The following TOM1L1 variants were observed in gnomAD, a reference collection of about 807,000 sequenced individuals.
The protein encoded by TOM1L1 is target of myb1 like 1 membrane trafficking protein.
TOM1L1 carries 64 observed loss-of-function variants against 63.4 expected under a neutral mutation model. The ratio of observed to expected loss-of-function variants is 1.01; its 90% CI spans 0.83 to 1.24. The LOEUF (loss-of-function observed/expected upper bound fraction) is 1.24. TOM1L1 is among the 50% of genes most tolerant of loss of function. The pLI is 0.00. For missense variants in TOM1L1, 536 were observed against 567.0 expected (o/e 0.95, Z 0.55); for synonymous variants, 166 against 194.4 (o/e 0.85, Z 1.22).
intron 13 of TOM1L1, among the ~76,000 whole-genome samples, 167 bp downstream of exon 13, chr17:54,949,790 G>A (rs2049182580): frequency 6.6e-6 from 1 of 152,170 alleles, no homozygotes; most frequent in African/African-American, 2.4e-5. Flanking sequence ...TGACTTATAA[G>A]AGACTGTAAA....
rs1394961544 is a variant in TOM1L1 at position 54,937,245 on chromosome 17, CT to C, written c.1033+23del. ...GGCTTAAGTAAATAAACACTCAGGT[CT>C]TTTCAGACCAGCAGAAGAGCTTGAT... On this transcript the variant is annotated intron_variant, in intron 10 of 15. Transcript: ENST00000575882. The C allele has an allele frequency of 3.9e-6, 6 of 1,541,204 alleles. No individual in the cohort carries two copies. Among genetic ancestry groups the C allele is most frequent in the Admixed American group, 1.7e-5 (1 of 59,884 alleles).
At position 54,949,497 on chromosome 17, in the gene TOM1L1, CAT is replaced by C; in HGVS notation, c.1183-20_1183-19del. The C allele has an allele frequency of 6.4e-7, 1 of 1,567,980 alleles. No homozygotes were observed. Among genetic ancestry groups the C allele is most frequent in the Non-Finnish European group, 8.8e-7 (1 of 1,138,260 alleles). On this transcript the variant is annotated intron_variant, in intron 12 of 15. Transcript: ENST00000575882. ...GCTTAATGTAGAACGTTTATATGAA[CAT>C]GTGTTATGCTTTCTTCAGTTTCTGG... is the stretch of plus-strand genomic sequence containing the variant.
intron 12 of TOM1L1, 149 bp from the exon 13 acceptor site, chr17:54,949,369 T>TA: frequency 1.7e-6 from 1 of 590,074 alleles, no homozygotes; most frequent in Admixed American, 3.0e-5. Context: ...GATTATTACC[T>TA]AAAAAAACTA....
Position 54,958,748 on chromosome 17 carries a change from A to AAAAAAAAGG in TOM1L1, c.1371-1818_1371-1817insAAAAAAAGG, listed in dbSNP as rs372776781. Among the ~76,000 whole-genome samples, 23 of 118,952 alleles carry AAAAAAAAGG rather than the reference A, an allele frequency of 1.9e-4. 2 individuals are homozygous for AAAAAAAAGG. Among genetic ancestry groups the AAAAAAAAGG allele is most frequent in the Non-Finnish European group, 1.7e-4 (10 of 57,760 alleles). The allele number at this position is 118,952 out of a possible 152,430, so 78.0% of individuals were successfully genotyped here. A position where few individuals can be genotyped will look rare whatever the true frequency, so the allele number is the denominator to read the frequency against. On this transcript the variant is annotated intron_variant, in intron 14 of 15. Transcript: ENST00000575882. ...TCCATCTCAAAAAAAAAAAAAAAAAAGGGGTTGTTGGTAGCTAGAGGATAC... is the reference window on the plus strand; with the variant it reads ...TCCATCTCAAAAAAAAAAAAAAAAAAAAAAAAAGGGGGGTTGTTGGTAGCTAGAGGATAC...
intron 7 of TOM1L1, among the ~76,000 whole-genome samples, chr17:54,925,641 C>T (rs994161670): frequency 1.3e-5 from 2 of 152,182 alleles, no homozygotes; most frequent in African/African-American, 4.8e-5. Context: ...CGATGGAGCA[C>T]GCCTGTAATC....
intron 14 of TOM1L1, among the ~76,000 whole-genome samples, chr17:54,955,464 A>G (rs2049453559): frequency 6.6e-6 from 1 of 152,184 alleles, no homozygotes; most frequent in Non-Finnish European, 1.5e-5. Context: ...CTCCTCATCA[A>G]ACTAACAGCA....
At chr17:54,945,322 C>T (rs1295684753) in intron 11 of TOM1L1, among the ~76,000 whole-genome samples, 2 of 152,224 alleles carry the variant, frequency 1.3e-5, no homozygotes, top group South Asian at 2.1e-4. Context: ...ATAACATTCA[C>T]ATATTCTGAG....
intron 11 of TOM1L1, among the ~76,000 whole-genome samples, chr17:54,944,877 A>G (rs2049092397): frequency 6.6e-6 from 1 of 151,854 alleles, no homozygotes; most frequent in African/African-American, 2.4e-5. Context: ...TGGGGTATGG[A>G]TTTCTTTTGT....
chr17:54,930,717 C>T (rs2143859018), intron 8 of TOM1L1, among the ~76,000 whole-genome samples: 1 of 152,172 alleles, frequency 6.6e-6, no homozygotes. Context: ...TCGCGCATGC[C>T]TGTAGACCCA....
intron 3 of TOM1L1, 63 bp from the exon 4 acceptor site, chr17:54,912,603 C>T (rs905171390): frequency 8.7e-6 from 12 of 1,383,678 alleles, no homozygotes; most frequent in Non-Finnish European, 1.1e-5. Context: ...CAGTTTTTCC[C>T]TTACATTTTT....
At chr17:54,928,430 A>C (rs1461532559) in intron 7 of TOM1L1, among the ~76,000 whole-genome samples, 4 of 152,006 alleles carry the variant, frequency 2.6e-5, no homozygotes, top group Non-Finnish European at 5.9e-5. Flanking sequence ...CATTTCCCCA[A>C]CTTCCATAGC....
chr17:54,936,475 G>T (rs1211765070), intron 8 of TOM1L1, 174 bp from the exon 9 acceptor site: 3 of 538,856 alleles, frequency 5.6e-6, no homozygotes, highest in Non-Finnish European at 9.7e-6. Context: ...TTCTCTGAGG[G>T]TATGAATACT....
At chr17:54,951,681 G>C (rs188962470) in intron 14 of TOM1L1, among the ~76,000 whole-genome samples, 23 of 152,246 alleles carry the variant, frequency 1.5e-4, no homozygotes, top group Admixed American at 1.2e-3. Context: ...CTGAAAACTC[G>C]GATATTTGAA....
At chr17:54,914,554 G>A in intron 5 of TOM1L1, 85 bp from the exon 6 acceptor site, 1 of 1,028,774 alleles carries the variant, frequency 9.7e-7, no homozygotes, top group Non-Finnish European at 1.5e-6. Flanking sequence ...CTTTGAGAGT[G>A]CTTGAGTTAG....
intron 1 of TOM1L1, among the ~76,000 whole-genome samples, chr17:54,902,501 G>C (rs1346400661): frequency 6.6e-6 from 1 of 152,090 alleles, no homozygotes; most frequent in East Asian, 1.9e-4. Context: ...TGCTGGCCAG[G>C]CTGGTCTCGA....
chr17:54,929,418 G>A (rs549991927), intron 7 of TOM1L1, among the ~76,000 whole-genome samples: 2 of 151,822 alleles, frequency 1.3e-5, no homozygotes, highest in South Asian at 4.2e-4. Flanking sequence ...ATGGTTTAAT[G>A]CAGTATTTCT....
chr17:54,912,693 G>T lies in TOM1L1; in HGVS notation c.250G>T (p.Gly84Cys). 6.2e-7 allele frequency: 1 copy of T among 1,604,074 alleles called. No homozygotes were observed. Residue 84 changes from glycine to cysteine, a missense_variant, in exon 4 of 16, where the codon GGT becomes TGT. Physicochemically the swap from Gly to Cys is radical, Grantham distance 159. Coordinates refer to ENST00000575882, the MANE Select transcript of TOM1L1 (RefSeq NM_005486.3). ...TATTGACATGTGTGTGCAGAACTGT[G>T]GTCCAAGTTTCCAGTCTCTGATTGT... is the stretch of plus-strand genomic sequence containing the variant. ...SLIDMCVQNCGPSFQSLIVKK... is the reference protein window; with the variant it reads ...SLIDMCVQNCCPSFQSLIVKK...
chr17:54,932,119 TAAAG>T (rs2048872419), intron 8 of TOM1L1, among the ~76,000 whole-genome samples: 1 of 151,948 alleles, frequency 6.6e-6, no homozygotes, highest in Non-Finnish European at 1.5e-5. Context: ...GACACTGAGT[TAAAG>T]AAGGAAGGGG....
At chr17:54,959,831 G>C (rs1440910810) in intron 14 of TOM1L1, among the ~76,000 whole-genome samples, 2 of 151,942 alleles carry the variant, frequency 1.3e-5, no homozygotes, top group Non-Finnish European at 2.9e-5. Context: ...TGTTCATACT[G>C]GTCTTGAAAT....
Sources: allele counts gnomAD v4.1 joint callset (sites outside exome capture counted in the v4.1 genomes callset), GRCh38; gene constraint gnomAD v4.1.1; transcripts MANE v1.5; gene names NCBI Gene and HGNC (gene_info 2026-07-23, HGNC 2026-07-21).